Variants in CEP295NL observed in about 807,000 individuals in gnomAD.
CEP295NL encodes protein DDC8 homolog.
Under a neutral mutation model 4.6 loss-of-function variants are expected in CEP295NL, and 3 were observed. The observed-to-expected ratio is 0.65, with a 90% CI of 0.30 to 1.69. CEP295NL has a LOEUF of 1.69. CEP295NL is among the 40% of genes most tolerant of loss of function. CEP295NL has a pLI of 0.10. For synonymous variants in CEP295NL, 295 were observed against 312.2 expected (o/e 0.94, Z 0.58); for missense variants, 719 against 769.0 (o/e 0.93, Z 0.77).
Position 78,891,803 on chromosome 17 carries a change from C to G in CEP295NL, c.701G>C (p.Gly234Ala). ...AGGATGGATGGCACAGCGGCCACCC[C>G]CAGACTTGGTCGAAGGTTCTGGCCT... ...KGRPEPSTKS[G>A]GGRCAIHPRR... The change falls in exon 3 of 3, where the codon GGG (glycine) becomes GCG (alanine). Residue 234 changes from glycine to alanine, a missense_variant. By Grantham distance (60) the Gly-to-Ala change is moderately conservative (BLOSUM62 0). Transcript: ENST00000322630. The surrounding 1 kb of genome is among the most constrained non-coding windows in gnomAD (Gnocchi z 4.5). 2 of 1,551,000 alleles carry G rather than the reference C, an allele frequency of 1.3e-6. No individual in the cohort carries two copies. Among genetic ancestry groups the G allele is most frequent in the Non-Finnish European group, 1.7e-6 (2 of 1,147,080 alleles).
intron 2 of CEP295NL, among the ~76,000 whole-genome samples, chr17:78,895,855 G>A (rs1373888800): frequency 1.3e-5 from 2 of 152,162 alleles, no homozygotes; most frequent in African/African-American, 2.4e-5. Flanking sequence ...GTCTATTTCT[G>A]TGCCAAGAGC....
intron 2 of CEP295NL, among the ~76,000 whole-genome samples, chr17:78,895,177 A>T (rs2069979436): frequency 6.6e-6 from 1 of 152,170 alleles, no homozygotes; most frequent in African/African-American, 2.4e-5. Flanking sequence ...GCTACTCGGG[A>T]AGCTAAGGCA....
rs1285405832 is a variant in CEP295NL at position 78,896,495 on chromosome 17, C to T, written c.45-4036G>A. On this transcript the variant is annotated intron_variant, in intron 2 of 2. Transcript: ENST00000322630. The surrounding 1 kb of genome is among the most constrained non-coding windows in gnomAD (Gnocchi z 4.4). ...CAGCTCCCCTCCCAGAGGCACCTGC[C>T]CTCTCTGGTTGCTTAGAATATTCTA... is the stretch of plus-strand genomic sequence containing the variant. 6.6e-6 allele frequency among the ~76,000 whole-genome samples: 1 copy of T among 152,122 alleles called. No homozygotes were observed. Among genetic ancestry groups the T allele is most frequent in the Non-Finnish European group, 1.5e-5 (1 of 68,026 alleles).
intron 2 of CEP295NL, among the ~76,000 whole-genome samples, chr17:78,894,135 C>T (rs2069961231): frequency 6.6e-6 from 1 of 152,128 alleles, no homozygotes; most frequent in African/African-American, 2.4e-5. Context: ...CCCCTCTGAG[C>T]ACTGGGCATG....
Position 78,891,376 on chromosome 17 carries a change from C to A in CEP295NL, c.1128G>T (p.Gly376=). 6.4e-7 allele frequency: 1 copy of A among 1,550,638 alleles called. No individual in the cohort carries two copies. The highest frequency in any genetic ancestry group is 8.7e-7 in the Non-Finnish European group (1 of 1,147,022). ...ACTCTTGCATCTCTGAGAAGGCATG[C>A]CCTTCCCCAGGTCTCTGGTCCATCC... ...KPRMDQRPGE[G]HAFSEMQECG... Residue 376 remains glycine (G), a synonymous_variant, in exon 3 of 3, where the codon GGG becomes GGT. Transcript: ENST00000322630. This position sits in a 1 kb window ranked among gnomAD's most constrained non-coding sequence, Gnocchi z 4.5.
At chr17:78,899,971 G>C (rs148101628) in intron 2 of CEP295NL, 2 of 152,304 alleles carry the variant, frequency 1.3e-5, no homozygotes, top group African/African-American at 4.8e-5. Context: ...TATAATTAGA[G>C]CTTACCCTTT....
At chr17:78,901,372 A>T (rs57570156) in intron 2 of CEP295NL, 15,945 of 230,072 alleles carry the variant, frequency 0.069, 648 homozygotes, top group Middle Eastern at 0.11. Context: ...AAGGAGATGC[A>T]CGGGCTGAAG....
In CEP295NL at chr17:78,891,900, C is replaced by G; in HGVS notation, c.604G>C (p.Glu202Gln). ...SRPRKTAASP[E>Q]KPQTTKATGR... ...GTGGCTTTTGTAGTCTGTGGTTTCT[C>G]TGGACTCGCTGCTGTCTTCCGGGGC... Residue 202 changes from glutamate (E) to glutamine (Q), a missense_variant, in exon 3 of 3, where the codon GAG becomes CAG. Coordinates refer to ENST00000322630, the MANE Select transcript of CEP295NL (RefSeq NM_001243540.2). The surrounding 1 kb of genome is among the most constrained non-coding windows in gnomAD (Gnocchi z 4.5). The G allele has an allele frequency of 1.3e-6, 2 of 1,550,608 alleles. No individual in the cohort carries two copies. The highest frequency in any genetic ancestry group is 1.2e-5 in the South Asian group (1 of 84,064).
At chr17:78,901,742 C>T (rs1157671499) in intron 2 of CEP295NL, 43 bp downstream of exon 2, 4 of 717,254 alleles carry the variant, frequency 5.6e-6, no homozygotes, top group Admixed American at 4.0e-5. Context: ...CTTGTCACCA[C>T]GAGAAGCACC....
intron 2 of CEP295NL, chr17:78,899,565 A>G (rs1398624127): frequency 6.6e-6 from 1 of 152,288 alleles, no homozygotes; most frequent in Non-Finnish European, 1.5e-5. Context: ...AAAGCCTGGC[A>G]ATCTCTGGGC....
At chr17:78,895,043 G>C (rs929953769) in intron 2 of CEP295NL, among the ~76,000 whole-genome samples, 9 of 152,188 alleles carry the variant, frequency 5.9e-5, no homozygotes, top group Non-Finnish European at 1.2e-4. Flanking sequence ...CACACTGGGA[G>C]GCTGAGGCGG....
chr17:78,890,825 G>A lies in CEP295NL; in HGVS notation c.1679C>T (p.Ala560Val). The A allele has an allele frequency of 6.4e-7, 1 of 1,550,608 alleles. No homozygotes were observed. Among genetic ancestry groups the A allele is most frequent in the Non-Finnish European group, 8.7e-7 (1 of 1,146,996 alleles). ...LAHLKSSSTRAQERERGSELS... is the reference protein window; with the variant it reads ...LAHLKSSSTRVQERERGSELS... ...CTCAGATCCTCTCTCCCTTTCCTGG[G>A]CTCTCGTGGAGGAGGACTTCAGATG... The change falls in exon 3 of 3, where the codon GCC (alanine) becomes GTC (valine). Residue 560 changes from alanine to valine, a missense_variant. Ala to Val is a moderately conservative substitution (Grantham distance 64, BLOSUM62 0). Transcript: ENST00000322630.
intron 2 of CEP295NL, among the ~76,000 whole-genome samples, chr17:78,893,629 GTGTGTA>G (rs1279416994): frequency 2.0e-5 from 3 of 152,030 alleles, no homozygotes; most frequent in South Asian, 2.1e-4. Context: ...GCATGTCGGT[GTGTGTA>G]TGTGTATGTG....
chr17:78,902,942 G>A (rs1568005170), intron 1 of CEP295NL, among the ~76,000 whole-genome samples, 192 bp downstream of exon 1: 1 of 152,204 alleles, frequency 6.6e-6, no homozygotes, highest in Non-Finnish European at 1.5e-5. Flanking sequence ...TGCCTGTGGG[G>A]AGCCCCGTGG....
chr17:78,895,958 AGTGCACCCC>A (rs1284400267), intron 2 of CEP295NL, among the ~76,000 whole-genome samples: 3 of 152,234 alleles, frequency 2.0e-5, no homozygotes, highest in African/African-American at 7.2e-5. Context: ...CAATGACCTC[AGTGCACCCC>A]GTGCCAGCCC....
intron 2 of CEP295NL, chr17:78,899,485 CCT>C (rs1191207234): frequency 6.6e-6 from 1 of 152,252 alleles, no homozygotes; most frequent in African/African-American, 2.4e-5. Context: ...GGGCCTCACC[CCT>C]GACAGATCCT....
chr17:78,894,603 C>T (rs2069968857), intron 2 of CEP295NL, among the ~76,000 whole-genome samples: 1 of 151,966 alleles, frequency 6.6e-6, no homozygotes, highest in South Asian at 2.1e-4. Flanking sequence ...TGGATATCCA[C>T]AGGCAAAAAA....
intron 2 of CEP295NL, chr17:78,899,018 A>G (rs1182316457): frequency 2.6e-5 from 4 of 152,256 alleles, no homozygotes; most frequent in Admixed American, 1.3e-4. Flanking sequence ...GATTCCAGGC[A>G]TGAGCCCCCG....
chr17:78,902,765 C>T (rs1204643033), intron 1 of CEP295NL: 2 of 152,366 alleles, frequency 1.3e-5, no homozygotes, highest in Admixed American at 6.5e-5. Flanking sequence ...CGTCCATTAC[C>T]GCTTCCCTGC....
Sources: gnomAD v4.1 joint callset for allele counts (sites outside exome capture counted in the v4.1 genomes callset) on GRCh38, gnomAD v4.1.1 for gene constraint, Gnocchi (gnomAD v3.1) non-coding constraint, MANE v1.5 for transcripts, NCBI Gene and HGNC (gene_info 2026-07-23, HGNC 2026-07-21) for gene names.